PTPRD: variants seen among roughly 807,000 people sequenced by gnomAD.
The protein encoded by PTPRD is receptor-type tyrosine-protein phosphatase delta.
PTPRD carries 34 observed loss-of-function variants against 214.5 expected under a neutral mutation model. The ratio of observed to expected loss-of-function variants is 0.16; its 90% CI spans 0.12 to 0.21. The LOEUF is 0.21. Among genes scored for constraint, PTPRD ranks in the 10% least tolerant of loss-of-function variants. PTPRD has a pLI of 1.00. For missense variants in PTPRD, 2,545 were observed against 2,398.7 expected (o/e 1.06, Z -1.27); for synonymous variants, 1,128 against 845.7 (o/e 1.33, Z -5.79).
intron 4 of PTPRD, among the ~76,000 whole-genome samples, chr9:9,974,502 C>T (rs1352960598): frequency 6.6e-6 from 1 of 152,148 alleles, no homozygotes; most frequent in East Asian, 1.9e-4. Context: ...GGTCACCTGG[C>T]ATAAGGATAT....
At chr9:10,431,223 T>C (rs1172710910) in intron 2 of PTPRD, among the ~76,000 whole-genome samples, 1 of 151,906 alleles carries the variant, frequency 6.6e-6, no homozygotes, top group Non-Finnish European at 1.5e-5. Context: ...TTCTTTCCAG[T>C]TTAGCCATAT....
chr9:8,795,604 G>C, intron 11 of PTPRD, among the ~76,000 whole-genome samples: 1 of 150,652 alleles, frequency 6.6e-6, no homozygotes, highest in East Asian at 1.9e-4. Context: ...TGTGGAGACG[G>C]AGTAACAGCA....
chr9:9,920,762 C>T (rs980010028), intron 5 of PTPRD, among the ~76,000 whole-genome samples: 5 of 152,054 alleles, frequency 3.3e-5, no homozygotes, highest in African/African-American at 9.7e-5. Flanking sequence ...TTTAACATAT[C>T]AGAATTCTGA....
chr9:10,357,567 T>C (rs999824780), intron 2 of PTPRD, among the ~76,000 whole-genome samples: 1 of 152,214 alleles, frequency 6.6e-6, no homozygotes, highest in Admixed American at 6.5e-5. Context: ...ACTTGGCACA[T>C]AGTAAATGCT....
intron 11 of PTPRD, among the ~76,000 whole-genome samples, chr9:8,890,023 A>G (rs2098525076): frequency 6.6e-6 from 1 of 152,152 alleles, no homozygotes; most frequent in African/African-American, 2.4e-5. Context: ...TCAGTTATTT[A>G]AGGAACCTCC....
At chr9:9,955,648 C>G (rs1195223143) in intron 4 of PTPRD, among the ~76,000 whole-genome samples, 1 of 151,962 alleles carries the variant, frequency 6.6e-6, no homozygotes, top group Non-Finnish European at 1.5e-5. Context: ...CTCAGCCTCC[C>G]AAGTAGCTGG....
In PTPRD at chr9:10,177,887, T is replaced by TA. The variant is rs1299722618; in HGVS notation, c.-544-144098dup. ...TCTACTATCCACTTCCTTTTATAAT[T>TA]AAAAAAAGATTATCTACATCAAATA... On this transcript the variant is annotated intron_variant, in intron 3 of 45. Coordinates refer to ENST00000381196, the MANE Select transcript of PTPRD (RefSeq NM_002839.4). 2.6e-5 allele frequency among the ~76,000 whole-genome samples: 4 copies of TA among 151,902 alleles called. No homozygotes were observed. In the East Asian group the frequency reaches 5.8e-4, roughly 22 times the overall value.
At chr9:9,152,628 T>C (rs1029587462) in intron 10 of PTPRD, among the ~76,000 whole-genome samples, 1 of 152,168 alleles carries the variant, frequency 6.6e-6, no homozygotes, top group Non-Finnish European at 1.5e-5. Context: ...GCCAAATGAA[T>C]TGCTTGACTG....
intron 2 of PTPRD, among the ~76,000 whole-genome samples, chr9:10,502,534 C>T (rs2044131144): frequency 1.3e-5 from 2 of 152,002 alleles, no homozygotes; most frequent in African/African-American, 2.4e-5. Context: ...GTCAGATGTT[C>T]TCATAAGTTC....
At chr9:10,082,153 T>A (rs1165943318) in intron 3 of PTPRD, among the ~76,000 whole-genome samples, 1 of 152,122 alleles carries the variant, frequency 6.6e-6, no homozygotes, top group Non-Finnish European at 1.5e-5. Context: ...GCACAGATCT[T>A]CTAAGCAATT....
At chr9:9,187,971 G>T (rs2131684192) in intron 9 of PTPRD, among the ~76,000 whole-genome samples, 1 of 151,942 alleles carries the variant, frequency 6.6e-6, no homozygotes, top group African/African-American at 2.4e-5. Flanking sequence ...CATAAATAAT[G>T]AATCATACAA....
In PTPRD at chr9:9,373,467, A is replaced by G. The variant is rs562942694; in HGVS notation, c.-203+23982T>C. On this transcript the variant is annotated intron_variant, in intron 9 of 45. Transcript: ENST00000381196. ...AATAGAAATTACAATTCTAGAGGCC[A>G]GAATTCTGAAATGAGTCTTATGGGG... Among the ~76,000 whole-genome samples, 3 of 152,242 alleles carry G rather than the reference A, an allele frequency of 2.0e-5. No individual in the cohort carries two copies. The East Asian group carries it at 5.8e-4, about 29-fold the overall frequency.
intron 4 of PTPRD, among the ~76,000 whole-genome samples, chr9:9,994,117 G>C (rs549959503): frequency 6.6e-6 from 1 of 152,128 alleles, no homozygotes; most frequent in African/African-American, 2.4e-5. Flanking sequence ...AGTAAGTAAA[G>C]TCAGAGCTTG....
At chr9:10,098,905 T>G (rs2098523046) in intron 3 of PTPRD, among the ~76,000 whole-genome samples, 1 of 151,752 alleles carries the variant, frequency 6.6e-6, no homozygotes, top group Admixed American at 6.6e-5. Context: ...ATACAATATT[T>G]TTCTCATTTC....
chr9:8,410,848 G>C (rs1413194243), intron 35 of PTPRD, among the ~76,000 whole-genome samples: 1 of 152,000 alleles, frequency 6.6e-6, no homozygotes, highest in Non-Finnish European at 1.5e-5. Context: ...TATATTATTA[G>C]AACTGACATG....
intron 12 of PTPRD, among the ~76,000 whole-genome samples, chr9:8,671,731 G>T (rs2097291061): frequency 6.6e-6 from 1 of 152,126 alleles, no homozygotes; most frequent in South Asian, 2.1e-4. Flanking sequence ...CCTATTGCTT[G>T]AAGAGACTGC....
intron 11 of PTPRD, among the ~76,000 whole-genome samples, chr9:8,781,747 T>G (rs2095708310): frequency 6.6e-6 from 1 of 152,136 alleles, no homozygotes; most frequent in Non-Finnish European, 1.5e-5. Context: ...GACAAGCAAA[T>G]GATGCAAACT....
chr9:10,222,259 C>T (rs1408933909), intron 3 of PTPRD, among the ~76,000 whole-genome samples: 1 of 152,054 alleles, frequency 6.6e-6, no homozygotes, highest in Non-Finnish European at 1.5e-5. Flanking sequence ...AATAGTCTTA[C>T]ATAGAGGTAT....
chr9:8,683,968 G>A (rs150437111), intron 12 of PTPRD, among the ~76,000 whole-genome samples: 126 of 152,292 alleles, frequency 8.3e-4, no homozygotes, highest in African/African-American at 2.8e-3. Context: ...TGTACCAGCA[G>A]CGAATGTTCA....
Sources: gnomAD v4.1 joint callset for allele counts (sites outside exome capture counted in the v4.1 genomes callset) on GRCh38, gnomAD v4.1.1 for gene constraint, MANE v1.5 for transcripts, NCBI Gene and HGNC (gene_info 2026-07-23, HGNC 2026-07-21) for gene names.